CPQ: variants seen among roughly 807,000 people sequenced by gnomAD.
CPQ encodes the protein Ser-Met dipeptidase.
Under a neutral mutation model 45.7 loss-of-function variants are expected in CPQ, and 37 were observed. That is an observed-to-expected ratio of 0.81 (90% CI 0.62 to 1.07). The LOEUF (loss-of-function observed/expected upper bound fraction) is 1.07. Among genes scored for constraint, CPQ ranks in the 50% least tolerant of loss-of-function variants. CPQ has a pLI of 0.00. For synonymous variants in CPQ, 186 were observed against 205.8 expected, an observed-to-expected ratio of 0.90 and a Z score of 0.82; for missense variants, 537 against 572.9, an observed-to-expected ratio of 0.94 and a Z score of 0.64.
chr8:96,879,886 A>C lies in CPQ; in HGVS notation c.730A>C (p.Arg244=), dbSNP rs763963550. The stretch of plus-strand genomic sequence containing the variant: ...GGTGGAAGATGCAGAAATGATGTCA[A>C]GAATGGCTTCTCATGGGATCAAAAT... ...ITVEDAEMMS[R]MASHGIKIVI... is the part of the protein sequence containing the mutation. The change falls in exon 4 of 8, where the codon AGA becomes CGA. Residue 244 remains arginine, a synonymous_variant. Transcript: ENST00000220763. 5.6e-6 allele frequency: 9 copies of C among 1,614,020 alleles called. No individual in the cohort carries two copies. In the African/African-American group the frequency reaches 1.2e-4, roughly 22 times the overall value.
intron 1 of CPQ, among the ~76,000 whole-genome samples, chr8:96,683,299 T>C (rs1374980249): frequency 6.6e-6 from 1 of 152,184 alleles, no homozygotes; most frequent in Non-Finnish European, 1.5e-5. Flanking sequence ...TATTCTTAGA[T>C]GGCAGGGTTT....
chr8:97,042,147 C>G (rs1170718067), intron 6 of CPQ, among the ~76,000 whole-genome samples: 1 of 152,220 alleles, frequency 6.6e-6, no homozygotes, highest in East Asian at 1.9e-4. Context: ...CTATTGATTA[C>G]TGCCACAATT....
intron 6 of CPQ, among the ~76,000 whole-genome samples, chr8:97,041,505 G>C (rs1310662415): frequency 2.0e-5 from 3 of 152,168 alleles, no homozygotes; most frequent in Non-Finnish European, 4.4e-5. Flanking sequence ...GCCCTGGCCA[G>C]AACTTCCAAC....
At chr8:96,856,542 T>A (rs1811853675) in intron 3 of CPQ, among the ~76,000 whole-genome samples, 1 of 152,232 alleles carries the variant, frequency 6.6e-6, no homozygotes. Flanking sequence ...GAATCTTGCT[T>A]ATCGTGTTCA....
At position 97,124,248 on chromosome 8, in the gene CPQ, A is replaced by G. The variant is rs897590272; in HGVS notation, c.1256-18772A>G. 1.3e-4 allele frequency among the ~76,000 whole-genome samples: 19 copies of G among 151,050 alleles called. No homozygotes were observed. In the East Asian group the frequency reaches 3.7e-3, roughly 29 times the overall value. On this transcript the variant is annotated intron_variant, in intron 7 of 7. Coordinates refer to ENST00000220763, the MANE Select transcript of CPQ (RefSeq NM_016134.4). ...CTCAAAAAAAAAAAAAAAAAAAAAA[A>G]AAAGTAAATTCATTCAATTACAAGC...
chr8:96,914,795 C>T (rs1812711101), intron 4 of CPQ, among the ~76,000 whole-genome samples: 1 of 152,110 alleles, frequency 6.6e-6, no homozygotes, highest in African/African-American at 2.4e-5. Flanking sequence ...ATGCCAGGAA[C>T]AAGGCGATTG....
chr8:96,721,738 G>C (rs1310461307), intron 1 of CPQ, among the ~76,000 whole-genome samples: 1 of 151,846 alleles, frequency 6.6e-6, no homozygotes, highest in African/African-American at 2.4e-5. Flanking sequence ...TAGCTCACAG[G>C]TCCCCCTCTA....
chr8:96,932,912 T>C (rs1005168876), intron 4 of CPQ, among the ~76,000 whole-genome samples: 2 of 152,208 alleles, frequency 1.3e-5, no homozygotes, highest in Admixed American at 1.3e-4. Context: ...AATGCTGTGA[T>C]TCCAATGCAT....
chr8:96,884,653 T>C (rs1812275181), intron 4 of CPQ, among the ~76,000 whole-genome samples: 1 of 152,150 alleles, frequency 6.6e-6, no homozygotes, highest in African/African-American at 2.4e-5. Flanking sequence ...AAATGTATGA[T>C]GGTGAAAGGC....
At chr8:96,733,879 T>A (rs1809944862) in intron 1 of CPQ, among the ~76,000 whole-genome samples, 1 of 152,168 alleles carries the variant, frequency 6.6e-6, no homozygotes, top group Non-Finnish European at 1.5e-5. Flanking sequence ...TTGAGTAAGA[T>A]GAATATAAGC....
At position 96,784,847 on chromosome 8, in the gene CPQ, G is replaced by A; in HGVS notation, c.-34-17G>A. 6.6e-7 allele frequency: 1 copy of A among 1,511,538 alleles called. No individual in the cohort carries two copies. The allele number at this position is 1,511,538 out of a possible 1,614,324, so 93.6% of individuals were successfully genotyped here. On this transcript the variant is annotated splice_polypyrimidine_tract_variant and intron_variant, in intron 1 of 7. Transcript: ENST00000220763. ...AGATTCTTTTCCCCTAAAACATAATGTTTCTTATTTATGTAGATTATCTTA... is the reference window on the plus strand; with the variant it reads ...AGATTCTTTTCCCCTAAAACATAATATTTCTTATTTATGTAGATTATCTTA...
chr8:96,646,152 G>C (rs975561874), intron 1 of CPQ, among the ~76,000 whole-genome samples: 2 of 151,624 alleles, frequency 1.3e-5, no homozygotes, highest in Non-Finnish European at 2.9e-5. Flanking sequence ...TGTGAATGTC[G>C]CACTTTTGCA....
chr8:96,844,648 C>T (rs921976478), intron 3 of CPQ, among the ~76,000 whole-genome samples: 17 of 152,146 alleles, frequency 1.1e-4, no homozygotes, highest in African/African-American at 3.4e-4. Flanking sequence ...ATATAACTGA[C>T]GTCTTATCTT....
At chr8:96,823,138 A>G (rs894745632) in intron 2 of CPQ, among the ~76,000 whole-genome samples, 2 of 151,960 alleles carry the variant, frequency 1.3e-5, no homozygotes, top group African/African-American at 2.4e-5. Context: ...ACATGGCCAC[A>G]TCTAGCTACA....
At chr8:96,965,901 G>C (rs1190370907) in intron 4 of CPQ, 34 bp from the exon 5 acceptor site, 1 of 1,404,770 alleles carries the variant, frequency 7.1e-7, no homozygotes, top group Admixed American at 2.4e-5. Flanking sequence ...TTTTTGCTTA[G>C]TTTTATTTTT....
intron 3 of CPQ, among the ~76,000 whole-genome samples, chr8:96,844,618 C>T (rs577190577): frequency 6.6e-6 from 1 of 152,170 alleles, no homozygotes; most frequent in Non-Finnish European, 1.5e-5. Flanking sequence ...CAGACTGAAA[C>T]ATGGGAAGTG....
chr8:96,811,875 T>C (rs1286097790), intron 2 of CPQ, among the ~76,000 whole-genome samples: 1 of 152,074 alleles, frequency 6.6e-6, no homozygotes. Context: ...TAAATCGGAG[T>C]TTCCCATGAG....
chr8:96,772,893 C>T (rs570631865), intron 1 of CPQ, among the ~76,000 whole-genome samples: 1 of 152,184 alleles, frequency 6.6e-6, no homozygotes, highest in South Asian at 2.1e-4. Flanking sequence ...TAAGTGCTAA[C>T]ATGGAGTGTA....
rs139802628 is a variant in CPQ at position 96,752,175 on chromosome 8, G to A, written c.-34-32689G>A. Among the ~76,000 whole-genome samples, 1,036 of 152,000 alleles carry A rather than the reference G, an allele frequency of 6.8e-3. 15 individuals carry two copies. Among genetic ancestry groups the A allele is most frequent in the African/African-American group, 0.023 (959 of 41,490 alleles). ...TTGTTCTAATTCTGTGAAGAATGTC[G>A]GTAGTTTAATGGAAATAGCATTGAA... is the stretch of plus-strand genomic sequence containing the variant. On this transcript the variant is annotated intron_variant, in intron 1 of 7. Coordinates refer to ENST00000220763, the MANE Select transcript of CPQ (RefSeq NM_016134.4).
Sources: gnomAD v4.1 joint callset for allele counts (sites outside exome capture counted in the v4.1 genomes callset) on GRCh38, gnomAD v4.1.1 for gene constraint, MANE v1.5 for transcripts, NCBI Gene and HGNC (gene_info 2026-07-23, HGNC 2026-07-21) for gene names.